The following TRPM3 variants were observed in gnomAD, a reference collection of about 807,000 sequenced individuals.
The protein encoded by TRPM3 is long transient receptor potential channel 3.
Under a neutral mutation model 181.2 loss-of-function variants are expected in TRPM3, and 77 were observed. That is an observed-to-expected ratio of 0.42 (90% confidence interval 0.35 to 0.51). The LOEUF is 0.51. Ranked by LOEUF, TRPM3 falls within the 20% of genes least tolerant of loss-of-function variation. The pLI is 0.01. For missense variants in TRPM3, 1,759 were observed against 2,196.7 expected (o/e 0.80, Z 3.98); for synonymous variants, 745 against 796.4 (o/e 0.94, Z 1.09).
chr9:70,642,978 T>A (rs181135868), intron 9 of TRPM3, among the ~76,000 whole-genome samples: 1 of 152,242 alleles, frequency 6.6e-6, no homozygotes, highest in Non-Finnish European at 1.5e-5. Flanking sequence ...TCTGTTCCCT[T>A]CGTAGGTTGA....
At chr9:71,303,510 A>G (rs1016159613) in intron 1 of TRPM3, among the ~76,000 whole-genome samples, 4 of 152,230 alleles carry the variant, frequency 2.6e-5, no homozygotes, top group Admixed American at 6.5e-5. Context: ...TGACTAAGGT[A>G]AAATACATGC....
intron 1 of TRPM3, among the ~76,000 whole-genome samples, chr9:71,147,053 T>C (rs1474065692): frequency 1.3e-5 from 2 of 152,110 alleles, no homozygotes; most frequent in East Asian, 1.9e-4. Context: ...CCTGACAACA[T>C]TGCTTGAGCC....
At chr9:70,896,480 T>A (rs2096280351) in intron 1 of TRPM3, among the ~76,000 whole-genome samples, 1 of 152,160 alleles carries the variant, frequency 6.6e-6, no homozygotes, top group Admixed American at 6.5e-5. Flanking sequence ...TATCTTCAAT[T>A]TATTTTAAGC....
At chr9:71,188,756 A>C (rs764561574) in intron 1 of TRPM3, among the ~76,000 whole-genome samples, 13 of 151,926 alleles carry the variant, frequency 8.6e-5, no homozygotes, top group Admixed American at 7.9e-4. Flanking sequence ...TTAGCTACTC[A>C]CTAGCTTTGT....
chr9:70,544,311 A>G (rs943978931), intron 25 of TRPM3, among the ~76,000 whole-genome samples: 1 of 152,156 alleles, frequency 6.6e-6, no homozygotes, highest in Non-Finnish European at 1.5e-5. Flanking sequence ...GTATTTTTTG[A>G]TTGCTTACAA....
intron 1 of TRPM3, among the ~76,000 whole-genome samples, chr9:71,093,249 T>C (rs1385454337): frequency 2.0e-5 from 3 of 151,922 alleles, no homozygotes; most frequent in Non-Finnish European, 4.4e-5. Context: ...CTAATCAAAC[T>C]AAAGAGCTTC....
chr9:70,930,770 T>C (rs1041793286), intron 1 of TRPM3, among the ~76,000 whole-genome samples: 8 of 152,096 alleles, frequency 5.3e-5, no homozygotes, highest in Admixed American at 2.6e-4. Flanking sequence ...ATACTTTTGG[T>C]AAAGGCAAGA....
At chr9:70,546,794 A>G (rs1319474341) in intron 25 of TRPM3, among the ~76,000 whole-genome samples, 1 of 152,050 alleles carries the variant, frequency 6.6e-6, no homozygotes, top group Non-Finnish European at 1.5e-5. Context: ...GGCATTGGTT[A>G]CTCTACTGGT....
intron 6 of TRPM3, among the ~76,000 whole-genome samples, chr9:70,795,088 C>T (rs761765176): frequency 6.6e-6 from 1 of 152,096 alleles, no homozygotes; most frequent in Non-Finnish European, 1.5e-5. Flanking sequence ...TTTAAGATAT[C>T]TGGAAGGGTG....
intron 9 of TRPM3, among the ~76,000 whole-genome samples, chr9:70,643,554 A>T (rs1046694658): frequency 3.9e-5 from 6 of 152,220 alleles, no homozygotes; most frequent in Non-Finnish European, 7.3e-5. Flanking sequence ...GCCGTGGGTG[A>T]CAGTTTGGAT....
At chr9:71,432,695 AAAGTTT>A (rs1422604580) in intron 1 of TRPM3, among the ~76,000 whole-genome samples, 1 of 152,194 alleles carries the variant, frequency 6.6e-6, no homozygotes, top group Non-Finnish European at 1.5e-5. Flanking sequence ...AAACAATTTT[AAAGTTT>A]ATCTTTTTGT....
intron 1 of TRPM3, among the ~76,000 whole-genome samples, chr9:70,881,913 A>G (rs2096001114): frequency 6.6e-6 from 1 of 152,138 alleles, no homozygotes; most frequent in Admixed American, 6.6e-5. Context: ...CTGATTGCTA[A>G]GTATCTGGCA....
At chr9:71,219,829 T>C (rs2080120953) in intron 1 of TRPM3, among the ~76,000 whole-genome samples, 1 of 152,200 alleles carries the variant, frequency 6.6e-6, no homozygotes, top group African/African-American at 2.4e-5. Context: ...CAGGGGGTCA[T>C]AGAATGTGTT....
At chr9:71,133,724 TTGA>T (rs2074528486) in intron 1 of TRPM3, among the ~76,000 whole-genome samples, 2 of 152,216 alleles carry the variant, frequency 1.3e-5, no homozygotes, top group African/African-American at 4.8e-5. Context: ...GCTTTTAATT[TTGA>T]TGATGTTGTT....
chr9:71,315,603 C>G (rs1322349252), intron 1 of TRPM3, among the ~76,000 whole-genome samples: 1 of 152,100 alleles, frequency 6.6e-6, no homozygotes, highest in Non-Finnish European at 1.5e-5. Context: ...CTACTAGATT[C>G]ACATGAATAT....
At chr9:70,571,516 G>A (rs780513702) in intron 22 of TRPM3, among the ~76,000 whole-genome samples, 1 of 152,018 alleles carries the variant, frequency 6.6e-6, no homozygotes, top group Non-Finnish European at 1.5e-5. Flanking sequence ...TACCTCTTAG[G>A]CAACTTACCA....
At chr9:71,174,081 G>A (rs1428708857) in intron 1 of TRPM3, among the ~76,000 whole-genome samples, 4 of 152,118 alleles carry the variant, frequency 2.6e-5, no homozygotes. Context: ...ATGTCTGTAC[G>A]AGTATTTATA....
intron 1 of TRPM3, among the ~76,000 whole-genome samples, chr9:71,157,272 C>A (rs1464189120): frequency 6.6e-6 from 1 of 152,082 alleles, no homozygotes; most frequent in Non-Finnish European, 1.5e-5. Context: ...AATATTTTTA[C>A]TAAAATACCA....
intron 1 of TRPM3, among the ~76,000 whole-genome samples, chr9:71,181,890 C>T (rs2077425724): frequency 6.6e-6 from 1 of 152,044 alleles, no homozygotes; most frequent in Non-Finnish European, 1.5e-5. Flanking sequence ...TCATTAATCA[C>T]CTGGTATGTT....
Sources: gnomAD v4.1 joint callset for allele counts (sites outside exome capture counted in the v4.1 genomes callset) on GRCh38, gnomAD v4.1.1 for gene constraint, MANE v1.5 for transcripts, NCBI Gene and HGNC (gene_info 2026-07-23, HGNC 2026-07-21) for gene names.